ZNF143: variants seen among roughly 807,000 people sequenced by gnomAD.
The protein encoded by ZNF143 is SPH-binding factor.
A neutral mutation model predicts 74.1 loss-of-function variants in ZNF143; 49 were observed. The observed-to-expected ratio is 0.66, with a 90% confidence interval of 0.53 to 0.84. The LOEUF (loss-of-function observed/expected upper bound fraction) is 0.84, where lower values mean the gene tolerates loss of function less well. Among genes scored for constraint, ZNF143 ranks in the 40% least tolerant of loss-of-function variants. ZNF143 has a pLI of 0.00. For synonymous variants in ZNF143, 304 were observed against 282.8 expected (o/e 1.07, Z -0.75); for missense variants, 637 against 793.4 (o/e 0.80, Z 2.37).
chr11:9,512,415 T>C, intron 12 of ZNF143, 33 bp from the exon 13 acceptor site: 4 of 1,594,046 alleles, frequency 2.5e-6, no homozygotes, highest in Non-Finnish European at 3.4e-6. Context: ...ATTGGTTGGT[T>C]GGTCAAATAA....
chr11:9,463,004 C>T (rs1397487577), intron 1 of ZNF143, among the ~76,000 whole-genome samples: 2 of 152,204 alleles, frequency 1.3e-5, no homozygotes, highest in Admixed American at 6.5e-5. Flanking sequence ...CAGTTGTCCC[C>T]TCCACCCCAC....
intron 2 of ZNF143, 24 bp downstream of exon 2, chr11:9,471,444 T>C: frequency 1.3e-6 from 2 of 1,509,784 alleles, no homozygotes; most frequent in Non-Finnish European, 1.8e-6. Flanking sequence ...TTTGAAGGGA[T>C]GCGTTTGAAA....
chr11:9,512,994 G>C (rs938407292), intron 13 of ZNF143, among the ~76,000 whole-genome samples: 1 of 152,196 alleles, frequency 6.6e-6, no homozygotes, highest in East Asian at 1.9e-4. Flanking sequence ...ACCATTAAGA[G>C]ATCAGGAATC....
At chr11:9,463,609 T>G (rs537628274) in intron 1 of ZNF143, among the ~76,000 whole-genome samples, 3 of 152,378 alleles carry the variant, frequency 2.0e-5, no homozygotes, top group Admixed American at 6.5e-5. Flanking sequence ...TTTACCCATT[T>G]TAAAGTTGGA....
chr11:9,474,415 C>A, intron 4 of ZNF143, 135 bp from the exon 5 acceptor site: 1 of 862,940 alleles, frequency 1.2e-6, no homozygotes, highest in Non-Finnish European at 1.8e-6. Flanking sequence ...ACTGAACTTA[C>A]TTAAATGTTC....
chr11:9,504,145 G>C (rs909415113), intron 11 of ZNF143, among the ~76,000 whole-genome samples: 5 of 151,570 alleles, frequency 3.3e-5, no homozygotes, highest in African/African-American at 1.2e-4. Flanking sequence ...ATTTTTAATA[G>C]AGATAGGTTT....
intron 7 of ZNF143, among the ~76,000 whole-genome samples, chr11:9,487,219 G>C (rs1340123808): frequency 7.2e-6 from 1 of 139,232 alleles, no homozygotes; most frequent in Non-Finnish European, 1.6e-5. Context: ...TGCCTGCCTT[G>C]GCCTCCCAAA....
chr11:9,519,957 C>T (rs527624477), intron 14 of ZNF143, among the ~76,000 whole-genome samples: 7 of 149,230 alleles, frequency 4.7e-5, no homozygotes, highest in African/African-American at 7.4e-5. Context: ...AGGCCAAGGT[C>T]GGAGGATTGC....
intron 11 of ZNF143, among the ~76,000 whole-genome samples, chr11:9,505,467 A>G (rs1565055946): frequency 6.6e-6 from 1 of 150,734 alleles, no homozygotes; most frequent in African/African-American, 2.4e-5. Flanking sequence ...ACAGGGTTTC[A>G]CCATGTTGGC....
intron 1 of ZNF143, among the ~76,000 whole-genome samples, chr11:9,466,872 A>T (rs1345737119): frequency 6.7e-6 from 1 of 150,244 alleles, no homozygotes; most frequent in Non-Finnish European, 1.5e-5. Flanking sequence ...CAATAGAGTA[A>T]TACTCTGGTT....
intron 5 of ZNF143, among the ~76,000 whole-genome samples, chr11:9,477,167 CTT>C: frequency 7.5e-6 from 1 of 134,156 alleles, no homozygotes; most frequent in Admixed American, 7.5e-5. Context: ...TCCTTCCTTC[CTT>C]CCTCCTCTCC....
intron 11 of ZNF143, among the ~76,000 whole-genome samples, chr11:9,507,934 A>C (rs1012700760): frequency 1.3e-5 from 2 of 152,216 alleles, no homozygotes; most frequent in Non-Finnish European, 2.9e-5. Context: ...TGATTGGTAC[A>C]TGGGGAACTG....
intron 1 of ZNF143, chr11:9,471,086 C>T (rs1336437728): frequency 6.4e-6 from 2 of 311,780 alleles, no homozygotes; most frequent in African/African-American, 2.2e-5. Flanking sequence ...GCTAAGCGCA[C>T]TGACAAATTG....
chr11:9,511,927 A>G (rs1020958098), intron 12 of ZNF143, among the ~76,000 whole-genome samples: 7 of 148,940 alleles, frequency 4.7e-5, no homozygotes, highest in Non-Finnish European at 1.0e-4. Flanking sequence ...AATTTTTTGT[A>G]TTTTTAGTAG....
At chr11:9,515,706 A>G (rs1301309140) in intron 13 of ZNF143, among the ~76,000 whole-genome samples, 1 of 150,516 alleles carries the variant, frequency 6.6e-6, no homozygotes, top group Non-Finnish European at 1.5e-5. Context: ...ATTGCCGGGC[A>G]CAGTGGCTCA....
intron 13 of ZNF143, among the ~76,000 whole-genome samples, chr11:9,513,391 C>T (rs1009020117): frequency 1.3e-5 from 2 of 152,242 alleles, no homozygotes; most frequent in Non-Finnish European, 2.9e-5. Flanking sequence ...ACTATACTCT[C>T]TGTCCTCTGA....
At chr11:9,470,972 A>T (rs1856532386) in intron 1 of ZNF143, 1 of 154,742 alleles carries the variant, frequency 6.5e-6, no homozygotes, top group Non-Finnish European at 1.4e-5. Context: ...GACACATTGT[A>T]AGTGGGAATC....
intron 7 of ZNF143, among the ~76,000 whole-genome samples, chr11:9,482,026 A>G (rs1242512190): frequency 7.4e-6 from 1 of 134,742 alleles, no homozygotes; most frequent in South Asian, 2.5e-4. Context: ...GCTGGAGTGC[A>G]GTGGCTCGAT....
chr11:9,466,451 A>T (rs2133825733), intron 1 of ZNF143, among the ~76,000 whole-genome samples: 1 of 149,696 alleles, frequency 6.7e-6, no homozygotes, highest in South Asian at 2.1e-4. Flanking sequence ...GTCTGCCACC[A>T]CGCCTGGCTA....
Sources: gnomAD v4.1 joint callset for allele counts (sites outside exome capture counted in the v4.1 genomes callset) on GRCh38, gnomAD v4.1.1 for gene constraint, MANE v1.5 for transcripts, NCBI Gene and HGNC (gene_info 2026-07-23, HGNC 2026-07-21) for gene names.